The following CFAP52 variants were observed in gnomAD, a reference collection of about 807,000 sequenced individuals.
The protein encoded by CFAP52 is cilia and flagella associated protein 52.
A neutral mutation model predicts 70.5 loss-of-function variants in CFAP52; 57 were observed. The observed-to-expected ratio is 0.81, with a 90% CI of 0.65 to 1.01. The LOEUF (loss-of-function observed/expected upper bound fraction) is 1.01, where lower values mean the gene tolerates loss of function less well. Among genes scored for constraint, CFAP52 ranks in the 50% least tolerant of loss-of-function variants. The pLI is 0.00. For synonymous variants in CFAP52, 267 were observed against 292.5 expected (o/e 0.91, Z 0.89); for missense variants, 785 against 788.5 (o/e 1.00, Z 0.05).
chr17:9,613,637 C>T (rs1405118003), intron 8 of CFAP52, among the ~76,000 whole-genome samples: 2 of 152,060 alleles, frequency 1.3e-5, no homozygotes, highest in Non-Finnish European at 2.9e-5. Context: ...CCTGCCTCAG[C>T]CTCCTGAGTA....
Position 9,594,195 on chromosome 17 carries a change from T to C in CFAP52, c.410T>C (p.Val137Ala). The change falls in exon 4 of 14, where the codon GTG (valine) becomes GCG (alanine). Residue 137 changes from valine to alanine, a missense_variant and splice_region_variant. By Grantham distance (64) the Val-to-Ala change is moderately conservative (BLOSUM62 0). Coordinates refer to ENST00000352665, the MANE Select transcript of CFAP52 (RefSeq NM_145054.5). The stretch of plus-strand genomic sequence containing the variant: ...TTTGGTCCCTCTTATTTTGGCAGTG[T>C]GGTGGTGTGGAGCATAGCCAAGAGA... The part of the protein sequence containing the change: ...VSLGGPDDGS[V>A]VVWSIAKRDA... The C allele has an allele frequency of 6.3e-7, 1 of 1,597,134 alleles. No homozygotes were observed. The highest frequency in any genetic ancestry group is 8.5e-7 in the Non-Finnish European group (1 of 1,172,556).
chr17:9,606,491 C>T (rs1019767709), intron 6 of CFAP52, among the ~76,000 whole-genome samples: 1 of 152,100 alleles, frequency 6.6e-6, no homozygotes, highest in East Asian at 1.9e-4. Flanking sequence ...TGATCTCATT[C>T]GATCTTCATA....
intron 4 of CFAP52, among the ~76,000 whole-genome samples, chr17:9,597,825 GAGAGAA>G (rs1341380326): frequency 8.0e-4 from 120 of 150,294 alleles, no homozygotes; most frequent in African/African-American, 2.4e-3. Flanking sequence ...GAGAGAGAGA[GAGAGAA>G]AGAGAGAAAG....
chr17:9,584,127 G>T (rs944784148), intron 1 of CFAP52: 3 of 1,145,242 alleles, frequency 2.6e-6, no homozygotes, highest in Admixed American at 3.9e-5. Context: ...TACCAGGCTG[G>T]TCAGCCCATT....
At chr17:9,598,531 G>A in intron 5 of CFAP52, 198 bp downstream of exon 5, 1 of 416,000 alleles carries the variant, frequency 2.4e-6, no homozygotes, top group Non-Finnish European at 4.3e-6. Context: ...GGAGGCGGAG[G>A]TGGGTGAATC....
In CFAP52 at chr17:9,586,803, T is replaced by C; in HGVS notation, c.376T>C (p.Leu126=). 3.1e-6 allele frequency: 5 copies of C among 1,612,670 alleles called. No homozygotes were observed. Among genetic ancestry groups the C allele is most frequent in the Non-Finnish European group, 4.2e-6 (5 of 1,179,560 alleles). The change falls in exon 3 of 14, where the codon TTG becomes CTG. Residue 126 remains leucine (L), a synonymous_variant. Transcript: ENST00000352665. ...GGCCTTTTCTCCAAATGATTTGTAC[T>C]TGGTATCACTAGGAGGCCCAGATGA... ...ALAFSPNDLY[L]VSLGGPDDGS...
At chr17:9,577,844 C>T (rs935262712) in intron 1 of CFAP52, among the ~76,000 whole-genome samples, 1 of 152,192 alleles carries the variant, frequency 6.6e-6, no homozygotes, top group African/African-American at 2.4e-5. Context: ...GTAATCCCAG[C>T]GCTTTGGGAG....
chr17:9,590,554 C>T (rs1908699939), intron 3 of CFAP52: 1 of 152,464 alleles, frequency 6.6e-6, no homozygotes, highest in Non-Finnish European at 1.5e-5. Context: ...TATTCTCAAC[C>T]TTTGGAGCAC....
intron 9 of CFAP52, among the ~76,000 whole-genome samples, chr17:9,631,523 CA>C (rs1302946803): frequency 1.3e-5 from 2 of 152,052 alleles, no homozygotes; most frequent in Non-Finnish European, 2.9e-5. Context: ...ACATTCCAGG[CA>C]GAGGGAATAG....
intron 4 of CFAP52, among the ~76,000 whole-genome samples, chr17:9,595,534 G>A (rs940575475): frequency 3.3e-5 from 5 of 152,108 alleles, no homozygotes; most frequent in African/African-American, 1.2e-4. Flanking sequence ...ATTTGACTAA[G>A]CCAGGGTTTT....
chr17:9,581,400 A>T (rs2151925445), intron 1 of CFAP52, among the ~76,000 whole-genome samples: 1 of 152,348 alleles, frequency 6.6e-6, no homozygotes, highest in South Asian at 2.1e-4. Context: ...AGAAAAATGG[A>T]ATAGATGTAT....
In CFAP52 at chr17:9,635,535, C is replaced by T; in HGVS notation, c.1451C>T (p.Thr484Ile). The T allele has an allele frequency of 6.2e-7, 1 of 1,614,176 alleles. No homozygotes were observed. Among genetic ancestry groups the T allele is most frequent in the Non-Finnish European group, 8.5e-7 (1 of 1,180,044 alleles). ...EECVTASTDG[T>I]CIIWDLVRLR... ...TGTGTCACCGCCAGCACCGATGGGACTTGTATCATTTGGGACCTTGTGTAG... is the reference window on the plus strand; with the variant it reads ...TGTGTCACCGCCAGCACCGATGGGATTTGTATCATTTGGGACCTTGTGTAG... Residue 484 changes from threonine to isoleucine, a missense_variant, in exon 11 of 14, where the codon ACT becomes ATT. Coordinates refer to ENST00000352665, the MANE Select transcript of CFAP52 (RefSeq NM_145054.5).
intron 3 of CFAP52, among the ~76,000 whole-genome samples, chr17:9,593,151 A>C (rs1484593398): frequency 1.3e-5 from 2 of 152,166 alleles, no homozygotes; most frequent in Non-Finnish European, 2.9e-5. Context: ...GATTTGTAAC[A>C]TTTTCATTCT....
At chr17:9,629,690 G>A (rs1910387185) in intron 9 of CFAP52, among the ~76,000 whole-genome samples, 1 of 147,224 alleles carries the variant, frequency 6.8e-6, no homozygotes, top group African/African-American at 2.7e-5. Flanking sequence ...TGGGATTACA[G>A]GCACGCTCCT....
At chr17:9,600,553 C>T (rs908509512) in intron 6 of CFAP52, among the ~76,000 whole-genome samples, 2 of 151,886 alleles carry the variant, frequency 1.3e-5, no homozygotes, top group African/African-American at 4.8e-5. Context: ...AAAGCACACA[C>T]TTTGTTTGTT....
intron 9 of CFAP52, among the ~76,000 whole-genome samples, chr17:9,631,028 AAGAGAGAGAG>A (rs761523039): frequency 2.2e-5 from 1 of 44,710 alleles, no homozygotes; most frequent in African/African-American, 1.2e-4. Context: ...GAAAGAAAGA[AAGAGAGAGAG>A]AGAGAGAGAG....
At chr17:9,639,133 A>ACCACCG in intron 12 of CFAP52, 1 of 155,426 alleles carries the variant, frequency 6.4e-6, no homozygotes, top group Admixed American at 6.4e-5. Flanking sequence ...CAATACATTA[A>ACCACCG]AAATCTACAC....
At chr17:9,584,245 A>G in intron 1 of CFAP52, 2 of 1,278,788 alleles carry the variant, frequency 1.6e-6, no homozygotes, top group Admixed American at 2.5e-5. Context: ...CAATAATTAC[A>G]TTCAAGCATA....
intron 1 of CFAP52, among the ~76,000 whole-genome samples, chr17:9,585,452 A>G (rs1245250591): frequency 2.0e-5 from 3 of 152,070 alleles, no homozygotes; most frequent in Non-Finnish European, 4.4e-5. Flanking sequence ...ACGGATCACG[A>G]GGTCAGCAGT....
Sources: gnomAD v4.1 joint callset for allele counts (sites outside exome capture counted in the v4.1 genomes callset) on GRCh38, gnomAD v4.1.1 for gene constraint, MANE v1.5 for transcripts, NCBI Gene and HGNC (gene_info 2026-07-23, HGNC 2026-07-21) for gene names.